Variants in BRAF observed in about 807,000 individuals in gnomAD.
The protein encoded by BRAF is serine/threonine-protein kinase B-raf.
BRAF carries 16 observed loss-of-function variants against 104.6 expected under a neutral mutation model. The ratio of observed to expected loss-of-function variants is 0.15; its 90% CI spans 0.10 to 0.23. The LOEUF is 0.23. Ranked by LOEUF, BRAF falls within the 10% of genes least tolerant of loss-of-function variation. BRAF has a pLI of 1.00. For missense variants in BRAF, 541 were observed against 937.3 expected, an observed-to-expected ratio of 0.58 and a Z score of 5.52; for synonymous variants, 310 against 341.6, an observed-to-expected ratio of 0.91 and a Z score of 1.02.
In BRAF at chr7:140,725,485, A is replaced by G; in HGVS notation, c.*1009T>C. The G allele has an allele frequency of 3.2e-6, 3 of 948,130 alleles. No individual in the cohort carries two copies. The highest frequency in any genetic ancestry group is 2.6e-6 in the Non-Finnish European group (2 of 780,776). 58.7% of individuals were successfully genotyped at this position (948,130 alleles called of 1,614,324 possible). On this transcript the variant is annotated 3_prime_UTR_variant, in exon 20 of 20. Coordinates refer to ENST00000644969, the MANE Select transcript of BRAF (RefSeq NM_001374258.1). Reference sequence around the variant, plus strand: ...TTTCTTTTTAATAAAAATAGAAAAGAAGAAACTCAGAAATTAAAACCTGTA... The same window carrying G: ...TTTCTTTTTAATAAAAATAGAAAAGGAGAAACTCAGAAATTAAAACCTGTA...
At position 140,879,733 on chromosome 7, in the gene BRAF, T is replaced by G. The variant is rs540672947; in HGVS notation, c.139-29521A>C. Among the ~76,000 whole-genome samples, 926 of 127,652 alleles carry G rather than the reference T, an allele frequency of 7.3e-3. 9 individuals carry two copies. Among genetic ancestry groups the G allele is most frequent in the African/African-American group, 0.039 (837 of 21,626 alleles). 83.7% of individuals were successfully genotyped at this position (127,652 alleles called of 152,430 possible). The stretch of plus-strand genomic sequence containing the variant: ...GTTAGGGTGACTGTGGCAATTTCTT[T>G]CTTTTTTTTTTTTTTAAGATGGAGT... On this transcript the variant is annotated intron_variant, in intron 1 of 19. Transcript: ENST00000644969.
chr7:140,853,195 T>C (rs545663114), intron 1 of BRAF, among the ~76,000 whole-genome samples: 1 of 145,892 alleles, frequency 6.9e-6, no homozygotes, highest in African/African-American at 2.6e-5. Flanking sequence ...GATCGCAACA[T>C]AGTAGGACCC....
downstream of BRAF, among the ~76,000 whole-genome samples, chr7:140,718,785 G>T: frequency 6.6e-6 from 1 of 152,168 alleles, no homozygotes; most frequent in East Asian, 1.9e-4. Flanking sequence ...AGACTTCAGT[G>T]AATTTTATTT....
chr7:140,791,436 C>A (rs1432141524), intron 8 of BRAF, among the ~76,000 whole-genome samples: 1 of 152,078 alleles, frequency 6.6e-6, no homozygotes, highest in Non-Finnish European at 1.5e-5. Flanking sequence ...TTATCTGGGG[C>A]TAGACTTAGG....
chr7:140,809,215 T>C (rs1453220593), intron 3 of BRAF, among the ~76,000 whole-genome samples: 2 of 152,226 alleles, frequency 1.3e-5, no homozygotes, highest in Non-Finnish European at 2.9e-5. Flanking sequence ...TTTTCTATTT[T>C]ATTAAAATTA....
In BRAF at chr7:140,887,790, C is replaced by T. The variant is rs575845200; in HGVS notation, c.138+36776G>A. On this transcript the variant is annotated intron_variant, in intron 1 of 19. Coordinates refer to ENST00000644969, the MANE Select transcript of BRAF (RefSeq NM_001374258.1). Reference sequence around the variant, plus strand: ...GTGCAGTAGTGTGATCACAGCTCACCGCAGGCTCAAACTTTTGGGTTCAAG... The same window carrying T: ...GTGCAGTAGTGTGATCACAGCTCACTGCAGGCTCAAACTTTTGGGTTCAAG... Among the ~76,000 whole-genome samples the T allele has an allele frequency of 1.3e-4, 20 of 152,176 alleles. No homozygotes were observed. In the South Asian group the frequency reaches 1.5e-3, roughly 11 times the overall value.
chr7:140,749,019 G>A (rs1797573876), intron 17 of BRAF: 1 of 415,198 alleles, frequency 2.4e-6, no homozygotes, highest in Non-Finnish European at 4.5e-6. Flanking sequence ...ATTGTGCGAT[G>A]GTCAAGAAAT....
At chr7:140,867,317 A>C (rs1811076608) in intron 1 of BRAF, among the ~76,000 whole-genome samples, 1 of 152,230 alleles carries the variant, frequency 6.6e-6, no homozygotes, top group Admixed American at 6.5e-5. Flanking sequence ...TATTCTAATC[A>C]AAAGACTGAC....
At position 140,812,300 on chromosome 7, in the gene BRAF, G is replaced by A. The variant is rs372636960; in HGVS notation, c.505-3305C>T. Among the ~76,000 whole-genome samples, 16 of 151,718 alleles carry A rather than the reference G, an allele frequency of 1.1e-4. 1 individual carries two copies. In the South Asian group the frequency reaches 2.5e-3, roughly 24 times the overall value. On this transcript the variant is annotated intron_variant, in intron 3 of 19. Coordinates refer to ENST00000644969, the MANE Select transcript of BRAF (RefSeq NM_001374258.1). Reference sequence around the variant, plus strand: ...AGGGTTTGTGGAATCTGAAGCCCACGCTGAGTTCACTGAACTCAGCATTTA... The same window carrying A: ...AGGGTTTGTGGAATCTGAAGCCCACACTGAGTTCACTGAACTCAGCATTTA...
downstream of BRAF, among the ~76,000 whole-genome samples, chr7:140,718,343 C>T (rs183875663): frequency 1.8e-4 from 27 of 152,300 alleles, 1 homozygote; most frequent in East Asian, 4.8e-3. Context: ...GGCTCACTCC[C>T]GGGTTCAAGC....
At chr7:140,822,036 A>C (rs1020252874) in intron 3 of BRAF, among the ~76,000 whole-genome samples, 1 of 152,160 alleles carries the variant, frequency 6.6e-6, no homozygotes, top group Admixed American at 6.5e-5. Flanking sequence ...GGGAGGGCAA[A>C]GGTTGAAAAA....
In BRAF at chr7:140,801,283, TAAAA is replaced by T. The variant is rs1291205763; in HGVS notation, c.860+125_860+128del. The T allele has an allele frequency of 2.8e-6, 3 of 1,054,214 alleles. No homozygotes were observed. In the African/African-American group the frequency reaches 4.8e-5, roughly 17 times the overall value. 65.3% of individuals were successfully genotyped at this position (1,054,214 alleles called of 1,614,324 possible). ...CCACATATTATTCTCTAACTACACT[TAAAA>T]AAAATTCTCTATAACAATCGTATGG... On this transcript the variant is annotated intron_variant, in intron 6 of 19. Transcript: ENST00000644969.
intron 1 of BRAF, among the ~76,000 whole-genome samples, chr7:140,878,983 T>C (rs1379709771): frequency 6.6e-6 from 1 of 152,068 alleles, no homozygotes; most frequent in Non-Finnish European, 1.5e-5. Flanking sequence ...TAAGCGATTC[T>C]CCTGCCTTAG....
chr7:140,872,123 G>A (rs1431207387), intron 1 of BRAF, among the ~76,000 whole-genome samples: 1 of 152,154 alleles, frequency 6.6e-6, no homozygotes, highest in Non-Finnish European at 1.5e-5. Context: ...GCTGAAGCAG[G>A]AGAATCATTT....
chr7:140,872,500 A>G (rs1811729212), intron 1 of BRAF, among the ~76,000 whole-genome samples: 1 of 152,132 alleles, frequency 6.6e-6, no homozygotes. Context: ...AAATTTAAGA[A>G]TTTCTCCTTG....
chr7:140,725,212 T>C lies in BRAF; in HGVS notation c.*1282A>G, dbSNP rs915991036. 30 of 1,043,496 alleles carry C rather than the reference T, an allele frequency of 2.9e-5. No individual in the cohort carries two copies. The African/African-American group carries it at 3.0e-4, about 10-fold the overall frequency. The allele number at this position is 1,043,496 out of a possible 1,614,324, so 64.6% of individuals were successfully genotyped here. The stretch of plus-strand genomic sequence containing the variant: ...AAGACTAGAAAGAAGATGTGGGATA[T>C]AGTGTTAGGAATCAGTTGGAAGAAA... On this transcript the variant is annotated 3_prime_UTR_variant, in exon 20 of 20. Transcript: ENST00000644969.
chr7:140,826,927 G>A (rs1311903862), intron 3 of BRAF, among the ~76,000 whole-genome samples: 1 of 152,134 alleles, frequency 6.6e-6, no homozygotes, highest in South Asian at 2.1e-4. Context: ...TGGTTGTTAT[G>A]TGCACTTGGT....
downstream of BRAF, among the ~76,000 whole-genome samples, chr7:140,719,007 G>C (rs1218523839): frequency 2.6e-5 from 4 of 152,176 alleles, no homozygotes; most frequent in South Asian, 2.1e-4. Context: ...GACTAAAGTA[G>C]AGCACATACT....
intron 1 of BRAF, among the ~76,000 whole-genome samples, chr7:140,911,055 A>G (rs1816914900): frequency 6.6e-6 from 1 of 152,224 alleles, no homozygotes; most frequent in African/African-American, 2.4e-5. Context: ...TTAAAGACAG[A>G]AATCTAGAGA....
Sources: gnomAD v4.1 joint callset for allele counts (sites outside exome capture counted in the v4.1 genomes callset) on GRCh38, gnomAD v4.1.1 for gene constraint, MANE v1.5 for transcripts, NCBI Gene and HGNC (gene_info 2026-07-23, HGNC 2026-07-21) for gene names.